The following RGS12 variants were observed in gnomAD, a reference collection of about 807,000 sequenced individuals.
RGS12 encodes regulator of G-protein signaling 12.
RGS12 carries 66 observed loss-of-function variants against 120.1 expected under a neutral mutation model. The ratio of observed to expected loss-of-function variants is 0.55; its 90% confidence interval spans 0.45 to 0.67. The LOEUF (loss-of-function observed/expected upper bound fraction) is 0.67. Among genes scored for constraint, RGS12 ranks in the 30% least tolerant of loss-of-function variants. The probability of loss-of-function intolerance (pLI) is 0.00; values close to 1 mark genes in which losing one functional copy is unlikely to be tolerated. For synonymous variants in RGS12, 827 were observed against 804.7 expected (o/e 1.03, Z -0.47); for missense variants, 1,859 against 1,957.7 (o/e 0.95, Z 0.95).
intron 3 of RGS12, among the ~76,000 whole-genome samples, chr4:3,351,155 A>G (rs113695391): frequency 2.6e-4 from 39 of 152,170 alleles, no homozygotes; most frequent in Non-Finnish European, 5.1e-4. Context: ...AATTGAATTT[A>G]GGGTTGAATA....
At chr4:3,332,260 A>T (rs1711942643) in intron 2 of RGS12, among the ~76,000 whole-genome samples, 1 of 152,216 alleles carries the variant, frequency 6.6e-6, no homozygotes, top group Non-Finnish European at 1.5e-5. Flanking sequence ...AAGAGTTGGA[A>T]TCGGTGGCGG....
At chr4:3,370,237 C>A (rs769306949) in intron 3 of RGS12, 6 of 1,613,378 alleles carry the variant, frequency 3.7e-6, no homozygotes, top group Non-Finnish European at 5.1e-6. Context: ...TGTCTTAGAC[C>A]CGGGTGCCTA....
intron 17 of RGS12, chr4:3,431,281 A>G: frequency 1.7e-6 from 2 of 1,174,302 alleles, no homozygotes; most frequent in Admixed American, 8.5e-5. Flanking sequence ...GTTTCCGAAA[A>G]TGGAGGCATT....
intron 3 of RGS12, among the ~76,000 whole-genome samples, chr4:3,382,139 A>G (rs894877266): frequency 6.6e-5 from 10 of 152,196 alleles, no homozygotes; most frequent in Non-Finnish European, 1.3e-4. Context: ...GTGTATTTTC[A>G]CAGATCTTAC....
At chr4:3,339,079 C>T (rs1015472346) in intron 2 of RGS12, among the ~76,000 whole-genome samples, 1 of 152,166 alleles carries the variant, frequency 6.6e-6, no homozygotes, top group Non-Finnish European at 1.5e-5. Context: ...TCCTTTACAT[C>T]TCCAAAGTGC....
rs774960472 is a variant in RGS12 at position 3,317,498 on chromosome 4, T to A, written c.1328T>A (p.Leu443Gln). 4 of 1,613,356 alleles carry A rather than the reference T, an allele frequency of 2.5e-6. No individual in the cohort carries two copies. Among genetic ancestry groups the A allele is most frequent in the Non-Finnish European group, 3.4e-6 (4 of 1,179,990 alleles). Residue 443 changes from leucine to glutamine, a missense_variant, in exon 2 of 18, where the codon CTG becomes CAG. By Grantham distance (113) the Leu-to-Gln change is moderately radical. Coordinates refer to ENST00000336727, the MANE Select transcript of RGS12 (RefSeq NM_001394154.1). ...EKSNRVLVVDLGGSSSRHGPG... is the reference protein window; with the variant it reads ...EKSNRVLVVDQGGSSSRHGPG... Reference sequence around the variant, plus strand: ...AGCAACCGGGTCCTTGTGGTGGACCTGGGTGGGAGCTCGAGCAGACACGGC... The same window carrying A: ...AGCAACCGGGTCCTTGTGGTGGACCAGGGTGGGAGCTCGAGCAGACACGGC...
intron 5 of RGS12, 81 bp from the exon 6 acceptor site, chr4:3,414,671 C>A: frequency 2.0e-6 from 2 of 1,011,380 alleles, no homozygotes; most frequent in South Asian, 2.7e-5. Context: ...GCCAGTGACC[C>A]CGTGGTTTCT....
intron 4 of RGS12, among the ~76,000 whole-genome samples, chr4:3,412,799 C>T (rs1191818503): frequency 1.3e-5 from 2 of 152,400 alleles, no homozygotes; most frequent in East Asian, 3.9e-4. Flanking sequence ...GGGCATGGCT[C>T]AGCTGCAGGC....
chr4:3,335,979 C>A (rs1170390379), intron 2 of RGS12, among the ~76,000 whole-genome samples: 1 of 152,144 alleles, frequency 6.6e-6, no homozygotes, highest in African/African-American at 2.4e-5. Context: ...GTAGTCCCCG[C>A]TACTTGGGAG....
At chr4:3,429,708 A>G (rs939134633) in intron 16 of RGS12, among the ~76,000 whole-genome samples, 1 of 152,204 alleles carries the variant, frequency 6.6e-6, no homozygotes. Context: ...AGCTGGAGGC[A>G]CCTGCAGGCC....
chr4:3,285,921 C>T, the RGS12 span, among the ~76,000 whole-genome samples: 3 of 152,324 alleles, frequency 2.0e-5, no homozygotes, highest in African/African-American at 7.2e-5. Flanking sequence ...TCAGCTTCGC[C>T]GTGAGGAAAA....
intron 2 of RGS12, among the ~76,000 whole-genome samples, chr4:3,332,263 G>A (rs948281862): frequency 6.6e-6 from 1 of 152,214 alleles, no homozygotes; most frequent in Non-Finnish European, 1.5e-5. Context: ...AGTTGGAATC[G>A]GTGGCGGTGT....
Position 3,317,192 on chromosome 4 carries a change from T to C in RGS12, c.1022T>C (p.Met341Thr), listed in dbSNP as rs769723977. ...GALRTSCHVF[M>T]VDPDLFNHKI... ...CTGCGGACTTCCTGCCACGTGTTCA[T>C]GGTGGACCCAGACTTGTTTAATCAC... is the stretch of plus-strand genomic sequence containing the variant. Residue 341 changes from methionine to threonine, a missense_variant, in exon 2 of 18, where the codon ATG becomes ACG. Physicochemically the swap from Met to Thr is moderately conservative, Grantham distance 81. Around this residue, in one of 3 missense-constraint regions of RGS12, gnomAD observed 967 missense variants for 994.2 expected, o/e 0.97. Coordinates refer to ENST00000336727, the MANE Select transcript of RGS12 (RefSeq NM_001394154.1). 2 of 1,614,130 alleles carry C rather than the reference T, an allele frequency of 1.2e-6. No homozygotes were observed. The highest frequency in any genetic ancestry group is 2.2e-5 in the South Asian group (2 of 91,082).
chr4:3,331,729 G>A (rs1711865850), intron 2 of RGS12, among the ~76,000 whole-genome samples: 1 of 152,242 alleles, frequency 6.6e-6, no homozygotes, highest in Non-Finnish European at 1.5e-5. Flanking sequence ...GATCCCGGGG[G>A]CCAGCATCGC....
chr4:3,383,423 A>G (rs1400878684), intron 3 of RGS12, among the ~76,000 whole-genome samples: 1 of 152,110 alleles, frequency 6.6e-6, no homozygotes, highest in Non-Finnish European at 1.5e-5. Context: ...CCTGGGCAAC[A>G]GAATGAGACC....
intron 4 of RGS12, among the ~76,000 whole-genome samples, chr4:3,387,350 C>T (rs562014701): frequency 1.6e-3 from 244 of 152,358 alleles, no homozygotes; most frequent in Middle Eastern, 3.4e-3. Flanking sequence ...CCTCAGTCCT[C>T]GGCCTCGGAA....
At chr4:3,309,902 G>A (rs1296971012) in intron 1 of RGS12, among the ~76,000 whole-genome samples, 3 of 139,288 alleles carry the variant, frequency 2.2e-5, no homozygotes, top group East Asian at 4.4e-4. Context: ...GAGGGGAACC[G>A]TGCAGGGGAG....
chr4:3,287,961 C>T, the RGS12 span, among the ~76,000 whole-genome samples: 2 of 152,200 alleles, frequency 1.3e-5, no homozygotes, highest in South Asian at 2.1e-4. Context: ...TTTGGGGGCA[C>T]GCCAGCCCCT....
chr4:3,371,031 T>C (rs1716925257), intron 3 of RGS12, among the ~76,000 whole-genome samples: 1 of 152,200 alleles, frequency 6.6e-6, no homozygotes, highest in Non-Finnish European at 1.5e-5. Flanking sequence ...AATATCTAAT[T>C]AAAGTCTTCT....
Sources: gnomAD v4.1 joint callset for allele counts (sites outside exome capture counted in the v4.1 genomes callset) on GRCh38, gnomAD v4.1.1 for gene constraint, gnomAD v4.1.1 regional missense constraint, MANE v1.5 for transcripts, NCBI Gene and HGNC (gene_info 2026-07-23, HGNC 2026-07-21) for gene names.